RNFT2: variants seen among roughly 807,000 people sequenced by gnomAD.
RNFT2 encodes the protein ring finger protein, transmembrane 2.
A neutral mutation model predicts 53.0 loss-of-function variants in RNFT2; 36 were observed. That is an observed-to-expected ratio of 0.68 (90% CI 0.52 to 0.90). RNFT2 has a LOEUF of 0.90. Among genes scored for constraint, RNFT2 ranks in the 40% least tolerant of loss-of-function variants. The pLI is 0.00. For synonymous variants in RNFT2, 260 were observed against 253.2 expected (o/e 1.03, Z -0.26); for missense variants, 514 against 585.6 (o/e 0.88, Z 1.26).
Position 116,743,136 on chromosome 12 carries a change from G to C in RNFT2, c.83+2042G>C, listed in dbSNP as rs538534039. On this transcript the variant is annotated intron_variant, in intron 3 of 10. Transcript: ENST00000257575. ...AAATGAAGCAGTGGTTGGGGTTATG[G>C]GCTCTGGATCACAAGGACATGTAAA... Among the ~76,000 whole-genome samples, 14 of 138,692 alleles carry C rather than the reference G, an allele frequency of 1.0e-4. No individual in the cohort carries two copies. The South Asian group carries it at 1.2e-3, about 12-fold the overall frequency. The allele number at this position is 138,692 out of a possible 152,430, so 91.0% of individuals were successfully genotyped here.
At position 116,750,286 on chromosome 12, in the gene RNFT2, CTG is replaced by C. The variant is rs1872128820; in HGVS notation, c.532_533del (p.Cys178LeufsTer4). Reference protein sequence around the residue: ...LPFILILLAKLCFQHKLGIAV... With the variant: ...LPFILILLAKXCFQHKLGIAV... ...CTTCATCCTGATCCTCCTGGCCAAA[CTG>C]TGCTTTCAGCATAAGCTCGGTGAGT... On this transcript the variant is annotated frameshift_variant, in exon 4 of 11. Coordinates refer to ENST00000257575, the MANE Select transcript of RNFT2 (RefSeq NM_001382266.1). LOFTEE classifies it high-confidence loss of function. 3.1e-6 allele frequency: 5 copies of C among 1,603,720 alleles called. No homozygotes were observed. Among genetic ancestry groups the C allele is most frequent in the African/African-American group, 2.7e-5 (2 of 74,866 alleles).
At chr12:116,832,399 A>G (rs979979994) in intron 7 of RNFT2, among the ~76,000 whole-genome samples, 7 of 152,028 alleles carry the variant, frequency 4.6e-5, no homozygotes, top group African/African-American at 1.7e-4. Context: ...TCAGGCATTC[A>G]TGTATACTTA....
At chr12:116,834,592 C>T (rs1876861330) in intron 8 of RNFT2, among the ~76,000 whole-genome samples, 3 of 152,142 alleles carry the variant, frequency 2.0e-5, no homozygotes, top group Non-Finnish European at 2.9e-5. Flanking sequence ...TCCTTGGCAA[C>T]CACAAATCTG....
In RNFT2 at chr12:116,852,173, G is replaced by A; in HGVS notation, c.*2725G>A. On this transcript the variant is annotated 3_prime_UTR_variant, in exon 11 of 11. Transcript: ENST00000257575. ...CTCCTCCCAAGTCTGTTCTCTTATT[G>A]TCAACCTCAGCACAACAGGCTGGCG... is the stretch of plus-strand genomic sequence containing the variant. The A allele has an allele frequency of 1.7e-6, 2 of 1,167,150 alleles. No homozygotes were observed. The highest frequency in any genetic ancestry group is 2.3e-6 in the Non-Finnish European group (2 of 883,198). The allele number at this position is 1,167,150 out of a possible 1,614,324, so 72.3% of individuals were successfully genotyped here. A position where few individuals can be genotyped will look rare whatever the true frequency, so the allele number is the denominator to read the frequency against.
intron 4 of RNFT2, among the ~76,000 whole-genome samples, chr12:116,751,356 T>C (rs1872242775): frequency 6.6e-6 from 1 of 152,186 alleles, no homozygotes; most frequent in Non-Finnish European, 1.5e-5. Flanking sequence ...CTCAGCCTCC[T>C]ATCTGACACA....
intron 10 of RNFT2, among the ~76,000 whole-genome samples, chr12:116,841,818 A>AAATATATATATATAAATATATATAT (rs1565875984): frequency 1.3e-5 from 1 of 76,932 alleles, no homozygotes; most frequent in Admixed American, 1.7e-4. Context: ...TATATATATA[A>AAATATATATATATAAATATATATAT]AAATATATAT....
intron 5 of RNFT2, among the ~76,000 whole-genome samples, chr12:116,766,528 G>T (rs1872919702): frequency 6.6e-6 from 1 of 152,180 alleles, no homozygotes; most frequent in African/African-American, 2.4e-5. Flanking sequence ...GATTTGACCA[G>T]GGATTTGAAT....
At chr12:116,775,713 C>T (rs11835957) in intron 6 of RNFT2, among the ~76,000 whole-genome samples, 4,731 of 152,254 alleles carry the variant, frequency 0.031, 198 homozygotes, top group East Asian at 0.15. Context: ...AAACATTGGA[C>T]ATATATCACA....
At chr12:116,750,345 T>TCA (rs1250712734) in intron 4 of RNFT2, 38 bp downstream of exon 4, 1 of 1,558,862 alleles carries the variant, frequency 6.4e-7, no homozygotes, top group South Asian at 1.2e-5. Context: ...GCCATGGGCT[T>TCA]CACAGGCAGG....
intron 10 of RNFT2, among the ~76,000 whole-genome samples, chr12:116,846,886 A>T (rs1037372835): frequency 7.0e-5 from 10 of 143,748 alleles, no homozygotes; most frequent in Non-Finnish European, 1.5e-5. Context: ...TCACAATTCC[A>T]CTAGCATGCC....
chr12:116,793,684 G>A (rs1455028046), intron 7 of RNFT2, among the ~76,000 whole-genome samples: 1 of 152,096 alleles, frequency 6.6e-6, no homozygotes, highest in Non-Finnish European at 1.5e-5. Flanking sequence ...GCTGGGAGCA[G>A]TTTTTTCCTG....
intron 2 of RNFT2, 200 bp downstream of exon 2, chr12:116,740,721 C>T (rs1055079233): frequency 1.9e-5 from 12 of 644,910 alleles, no homozygotes; most frequent in East Asian, 5.5e-5. Context: ...CCTGCCAGTC[C>T]GCTGCCCACT....
At chr12:116,819,616 G>T (rs1156614911) in intron 7 of RNFT2, among the ~76,000 whole-genome samples, 1 of 152,196 alleles carries the variant, frequency 6.6e-6, no homozygotes, top group Non-Finnish European at 1.5e-5. Context: ...CCGCCGGGTG[G>T]TGACGTCACC....
intron 7 of RNFT2, among the ~76,000 whole-genome samples, chr12:116,785,274 T>TGTGTGTGG (rs755175596): frequency 1.4e-5 from 2 of 138,484 alleles, no homozygotes; most frequent in African/African-American, 3.1e-5. Flanking sequence ...TGTGTGTGTG[T>TGTGTGTGG]GGCGGGGGGG....
intron 4 of RNFT2, among the ~76,000 whole-genome samples, chr12:116,751,107 A>G (rs1042918403): frequency 1.3e-5 from 2 of 150,358 alleles, no homozygotes; most frequent in African/African-American, 2.5e-5. Context: ...ATAGAGTCGA[A>G]GTCTCACTAT....
At chr12:116,842,147 G>C (rs540485256) in intron 10 of RNFT2, among the ~76,000 whole-genome samples, 126 of 151,112 alleles carry the variant, frequency 8.3e-4, no homozygotes, top group Non-Finnish European at 9.9e-4. Context: ...GTTCCTAATG[G>C]GCTGTGAAAT....
chr12:116,833,630 A>T (rs550915041), intron 7 of RNFT2, among the ~76,000 whole-genome samples, 162 bp from the exon 8 acceptor site: 1 of 152,210 alleles, frequency 6.6e-6, no homozygotes, highest in Non-Finnish European at 1.5e-5. Context: ...CTCCCTGGCC[A>T]TATCGCAGCC....
At chr12:116,746,786 T>G (rs1250365261) in intron 3 of RNFT2, among the ~76,000 whole-genome samples, 1 of 152,324 alleles carries the variant, frequency 6.6e-6, no homozygotes, top group East Asian at 1.9e-4. Flanking sequence ...TCTAGAGGGT[T>G]CCTCTGAGAC....
chr12:116,779,116 AAGG>A, intron 6 of RNFT2, 76 bp from the exon 7 acceptor site: 1 of 1,450,060 alleles, frequency 6.9e-7, no homozygotes, highest in Non-Finnish European at 9.6e-7. Context: ...TGATACTTAG[AAGG>A]CTCCTGAGTG....
Sources: gnomAD v4.1 joint callset for allele counts (sites outside exome capture counted in the v4.1 genomes callset) on GRCh38, gnomAD v4.1.1 for gene constraint, MANE v1.5 for transcripts, NCBI Gene and HGNC (gene_info 2026-07-23, HGNC 2026-07-21) for gene names.